Variants in DCTN1 observed in about 807,000 individuals in gnomAD.
DCTN1 encodes the protein 150 kDa dynein-associated polypeptide.
Under a neutral mutation model 161.2 loss-of-function variants are expected in DCTN1, and 61 were observed. The observed-to-expected ratio is 0.38, with a 90% CI of 0.31 to 0.47. DCTN1 has a LOEUF of 0.47. DCTN1 is among the 20% of genes least tolerant of loss of function. DCTN1 has a pLI of 0.99. For synonymous variants in DCTN1, 653 were observed against 632.4 expected, an observed-to-expected ratio of 1.03 and a Z score of -0.49; for missense variants, 1,404 against 1,623.7, an observed-to-expected ratio of 0.86 and a Z score of 2.33.
chr2:74,375,370 CA>C (rs1312166654), intron 5 of DCTN1, among the ~76,000 whole-genome samples: 4 of 152,260 alleles, frequency 2.6e-5, no homozygotes, highest in African/African-American at 9.6e-5. Context: ...TGGGTGAGAG[CA>C]GGGGCCCTCT....
chr2:74,376,085 G>T (rs1675205868), intron 5 of DCTN1, among the ~76,000 whole-genome samples: 2 of 152,190 alleles, frequency 1.3e-5, no homozygotes, highest in African/African-American at 4.8e-5. Context: ...GTCTATGGTG[G>T]GAAGGGGAGG....
At chr2:74,389,817 G>A (rs575172444) in intron 1 of DCTN1, among the ~76,000 whole-genome samples, 66 of 152,298 alleles carry the variant, frequency 4.3e-4, no homozygotes, top group Admixed American at 8.5e-4. Flanking sequence ...TCTGTAAAGT[G>A]TCATACATAA....
upstream of DCTN1, chr2:74,380,691 G>C: frequency 2.5e-6 from 1 of 402,108 alleles, no homozygotes; most frequent in South Asian, 1.8e-5. Flanking sequence ...CATGTGAGTA[G>C]GGCCTGGATT....
upstream of DCTN1, among the ~76,000 whole-genome samples, chr2:74,383,958 C>G (rs757219638): frequency 6.6e-6 from 1 of 152,150 alleles, no homozygotes; most frequent in Non-Finnish European, 1.5e-5. Context: ...CGATGACTTG[C>G]GCACAGTAGG....
In DCTN1 at chr2:74,371,129, T is replaced by C. The variant is rs1291091043; in HGVS notation, c.693A>G (p.Leu231=). 2 of 1,614,180 alleles carry C rather than the reference T, an allele frequency of 1.2e-6. No homozygotes were observed. The highest frequency in any genetic ancestry group is 8.5e-7 in the Non-Finnish European group (1 of 1,180,040). The change falls in exon 9 of 32, where the codon CTA becomes CTG. Residue 231 remains leucine (L), a synonymous_variant. Transcript: ENST00000628224. The part of the protein sequence containing the change: ...RAQVRDLEEK[L]ETLRLKRAED... ...CTGCCCGTTTCAGTCTCAGGGTCTC[T>C]AGTTTCTCCTCCAGGTCCCGCACCT...
intron 7 of DCTN1, 44 bp downstream of exon 7, chr2:74,372,884 T>C: frequency 6.2e-7 from 1 of 1,606,772 alleles, no homozygotes; most frequent in Middle Eastern, 1.7e-4. Context: ...CTGAAACGTG[T>C]GTGTACACTC....
At position 74,369,114 on chromosome 2, in the gene DCTN1, G is replaced by T. The variant is rs757949651; in HGVS notation, c.1685C>A (p.Thr562Asn). 6 of 1,614,246 alleles carry T rather than the reference G, an allele frequency of 3.7e-6. No individual in the cohort carries two copies. The East Asian group carries it at 1.3e-4, about 36-fold the overall frequency. Residue 562 changes from threonine (T) to asparagine (N), a missense_variant, in exon 15 of 32, where the codon ACT becomes AAT. Thr to Asn is a moderately conservative substitution (Grantham distance 65, BLOSUM62 0). Transcript: ENST00000628224. The surrounding 1 kb of genome is among the most constrained non-coding windows in gnomAD (Gnocchi z 4.9). Reference sequence around the variant, plus strand: ...TTTCCTGACCTTGGCATGGGCCTTAGTCTCAGCAAACTTGATTTTGAAGTC... The same window carrying T: ...TTTCCTGACCTTGGCATGGGCCTTATTCTCAGCAAACTTGATTTTGAAGTC... ...TFDFKIKFAE[T>N]KAHAKAIEME... is the part of the protein sequence containing the mutation.
rs58901202 is a variant in DCTN1 at position 74,369,816 on chromosome 2, G to GAAAA, written c.1392+145_1392+148dup. 1.6e-3 allele frequency: 822 copies of GAAAA among 510,352 alleles called. 1 individual carries two copies. Among genetic ancestry groups the GAAAA allele is most frequent in the South Asian group, 3.4e-3 (166 of 49,134 alleles). 31.6% of individuals were successfully genotyped at this position (510,352 alleles called of 1,614,324 possible). ...GGCAACAGAGCGAGATTCCATCTCA[G>GAAAA]AAAAAAAAAAAAAAAAAAAAGGCAG... On this transcript the variant is annotated intron_variant, in intron 13 of 31. Coordinates refer to ENST00000628224, the MANE Select transcript of DCTN1 (RefSeq NM_004082.5). This position sits in a 1 kb window ranked among gnomAD's most constrained non-coding sequence, Gnocchi z 4.9.
chr2:74,377,441 A>G lies in DCTN1; in HGVS notation c.384T>C (p.Thr128=), dbSNP rs751553167. ...CCCCCAAATCACTCACCAGTTTGCT[A>G]GTCTTTGCAGTTGTATCAGTTCCCT... The part of the protein sequence containing the change: ...KREGTDTTAK[T]SKLRGLKPKK... The change falls in exon 4 of 32, where the codon ACT becomes ACC. Residue 128 remains threonine, a synonymous_variant. Transcript: ENST00000628224. 5.6e-6 allele frequency: 9 copies of G among 1,613,336 alleles called. No individual in the cohort carries two copies. The East Asian group carries it at 2.0e-4, about 36-fold the overall frequency.
At chr2:74,363,780 G>A (rs767443400) in intron 26 of DCTN1, 152 bp from the exon 27 acceptor site, 17 of 1,028,478 alleles carry the variant, frequency 1.7e-5, no homozygotes, top group Admixed American at 6.0e-5. Context: ...AAGACTCTCT[G>A]CCACCTATCT....
upstream of DCTN1, among the ~76,000 whole-genome samples, chr2:74,382,858 G>C (rs1339980888): frequency 2.0e-5 from 3 of 151,522 alleles, no homozygotes; most frequent in African/African-American, 2.4e-5. Context: ...GGATCATGAG[G>C]TCAGGAGATC....
chr2:74,364,784 G>C, intron 26 of DCTN1: 1 of 460,884 alleles, frequency 2.2e-6, no homozygotes, highest in South Asian at 2.1e-5. Flanking sequence ...GGGCTGGGCA[G>C]AAAGGTCAGA....
intron 31 of DCTN1, 60 bp downstream of exon 31, chr2:74,361,992 G>A: frequency 1.9e-6 from 3 of 1,562,866 alleles, no homozygotes; most frequent in South Asian, 1.1e-5. Context: ...TTCTGGAGGA[G>A]AGGGGGGCCC....
chr2:74,366,323 T>C lies in DCTN1; in HGVS notation c.2681A>G (p.Asn894Ser), dbSNP rs1207333910. ...SPYECLRQSC[N>S]ILISTMNKLA... Reference sequence around the variant, plus strand: ...CTTGTTCATGGTACTGATGAGGATGTTGCATGACTGGCGCAGACACTCATA... The same window carrying C: ...CTTGTTCATGGTACTGATGAGGATGCTGCATGACTGGCGCAGACACTCATA... The change falls in exon 23 of 32, where the codon AAC becomes AGC. Residue 894 changes from asparagine (N) to serine (S), a missense_variant. Coordinates refer to ENST00000628224, the MANE Select transcript of DCTN1 (RefSeq NM_004082.5). 6.2e-7 allele frequency: 1 copy of C among 1,614,198 alleles called. No individual in the cohort carries two copies. Among genetic ancestry groups the C allele is most frequent in the African/African-American group, 1.3e-5 (1 of 75,044 alleles).
Position 74,371,138 on chromosome 2 carries a change from C to T in DCTN1, c.684G>A (p.Glu228=). ...EGLRAQVRDL[E]EKLETLRLKR... ...TCAGTCTCAGGGTCTCTAGTTTCTCCTCCAGGTCCCGCACCTGAGCCCTTA... is the reference window on the plus strand; with the variant it reads ...TCAGTCTCAGGGTCTCTAGTTTCTCTTCCAGGTCCCGCACCTGAGCCCTTA... The change falls in exon 9 of 32, where the codon GAG becomes GAA. Residue 228 remains glutamate (E), a synonymous_variant. Transcript: ENST00000628224. 6.2e-7 allele frequency: 1 copy of T among 1,614,128 alleles called. No individual in the cohort carries two copies. Among genetic ancestry groups the T allele is most frequent in the Non-Finnish European group, 8.5e-7 (1 of 1,180,042 alleles).
chr2:74,367,030 T>C lies in DCTN1; in HGVS notation c.2316+15A>G, dbSNP rs763215096. 8.1e-6 allele frequency: 13 copies of C among 1,614,190 alleles called. No individual in the cohort carries two copies. The highest frequency in any genetic ancestry group is 1.0e-5 in the Non-Finnish European group (12 of 1,180,010). On this transcript the variant is annotated intron_variant, in intron 20 of 31. Transcript: ENST00000628224. ...GAAAGAAGAGGAGCTCACACAGATC[T>C]AGATGTGTTCTCACCTGCAAGAAGG...
In DCTN1 at chr2:74,370,794, C is replaced by T. The variant is rs552814664; in HGVS notation, c.875G>A (p.Arg292His). Residue 292 changes from arginine to histidine, a missense_variant, in exon 10 of 32, where the codon CGC becomes CAC. By Grantham distance (29) the Arg-to-His change is conservative. Around this residue, in one of 9 missense-constraint regions of DCTN1, gnomAD observed 67 missense variants for 116.3 expected, o/e 0.58. Coordinates refer to ENST00000628224, the MANE Select transcript of DCTN1 (RefSeq NM_004082.5). This position sits in a 1 kb window ranked among gnomAD's most constrained non-coding sequence, Gnocchi z 4.4. ...EAKEALEAKE[R>H]YMEEMADTAD... ...AGTATCAGCCATCTCCTCCATATAG[C>T]GTTCCTTTGCCTCCAGCGCCTCCTT... 3 of 1,614,244 alleles carry T rather than the reference C, an allele frequency of 1.9e-6. No homozygotes were observed. The highest frequency in any genetic ancestry group is 1.1e-5 in the South Asian group (1 of 91,088).
rs747285271 is a variant in DCTN1, at chr2:74,366,309, T to C, written c.2695A>G (p.Thr899Ala). 9 of 1,614,220 alleles carry C rather than the reference T, an allele frequency of 5.6e-6. No individual in the cohort carries two copies. In the South Asian group the frequency reaches 7.7e-5, roughly 14 times the overall value. ...ATGGCTGTGGCCAGCTTGTTCATGG[T>C]ACTGATGAGGATGTTGCATGACTGG... ...LRQSCNILIS[T>A]MNKLATAMQE... Residue 899 changes from threonine (T) to alanine (A), a missense_variant, in exon 23 of 32, where the codon ACC becomes GCC. Coordinates refer to ENST00000628224, the MANE Select transcript of DCTN1 (RefSeq NM_004082.5).
intron 30 of DCTN1, 33 bp from the exon 31 acceptor site, chr2:74,362,174 T>G: frequency 2.5e-6 from 4 of 1,601,028 alleles, no homozygotes; most frequent in African/African-American, 1.3e-5. Context: ...AAGGGTTCAT[T>G]TATGGGACCC....
Sources: allele counts gnomAD v4.1 joint callset (sites outside exome capture counted in the v4.1 genomes callset), GRCh38; gene constraint gnomAD v4.1.1; regional missense constraint gnomAD v4.1.1; non-coding constraint Gnocchi (gnomAD v3.1); transcripts MANE v1.5; gene names NCBI Gene and HGNC (gene_info 2026-07-23, HGNC 2026-07-21).